Variants in NBEA observed in about 807,000 individuals in gnomAD.
The protein encoded by NBEA is neurobeachin.
NBEA carries 44 observed loss-of-function variants against 343.4 expected under a neutral mutation model. That is an observed-to-expected ratio of 0.13 (90% confidence interval 0.10 to 0.16). NBEA has a LOEUF of 0.16. Among genes scored for constraint, NBEA ranks in the 10% least tolerant of loss-of-function variants. The pLI, the probability that NBEA is intolerant of heterozygous loss-of-function variation, is 1.00. For missense variants in NBEA, 2,555 were observed against 3,631.3 expected (o/e 0.70, Z 7.62); for synonymous variants, 1,175 against 1,238.7 (o/e 0.95, Z 1.08).
chr13:35,003,603 G>T (rs2061218810), intron 1 of NBEA, among the ~76,000 whole-genome samples: 1 of 152,064 alleles, frequency 6.6e-6, no homozygotes, highest in Admixed American at 6.6e-5. Flanking sequence ...TCAGTTCATA[G>T]ATATGGAAAT....
intron 46 of NBEA, among the ~76,000 whole-genome samples, chr13:35,588,337 C>G (rs1235153030): frequency 6.6e-6 from 1 of 152,104 alleles, no homozygotes; most frequent in African/African-American, 2.4e-5. Context: ...AATGTCCTCA[C>G]TCCCATTCCA....
chr13:35,338,654 C>T (rs1010236206), intron 36 of NBEA, among the ~76,000 whole-genome samples: 7 of 151,884 alleles, frequency 4.6e-5, no homozygotes, highest in African/African-American at 1.7e-4. Flanking sequence ...CAGATAAAGT[C>T]GTTTGAAAAG....
In NBEA at chr13:35,363,264, C is replaced by T. The variant is rs1360033320; in HGVS notation, c.6179+10941C>T. 9.2e-5 allele frequency among the ~76,000 whole-genome samples: 14 copies of T among 151,898 alleles called. No individual in the cohort carries two copies. In the Admixed American group the frequency reaches 9.2e-4, roughly 10 times the overall value. ...GTAAAGCCCTGGGATTCTTATTTCA[C>T]TCTGGAATCTAGGAGCGTGTTTGAT... On this transcript the variant is annotated intron_variant, in intron 38 of 58. Coordinates refer to ENST00000379939, the MANE Select transcript of NBEA (RefSeq NM_001385012.1).
At chr13:34,979,317 C>T (rs561478866) in intron 1 of NBEA, among the ~76,000 whole-genome samples, 4 of 152,048 alleles carry the variant, frequency 2.6e-5, no homozygotes, top group Non-Finnish European at 4.4e-5. Context: ...GCCAGGAGTT[C>T]GAGACCAGTC....
intron 36 of NBEA, among the ~76,000 whole-genome samples, chr13:35,310,067 T>C (rs1402603340): frequency 1.3e-5 from 2 of 152,156 alleles, no homozygotes; most frequent in Non-Finnish European, 2.9e-5. Context: ...TTGTATATTC[T>C]ATTATTTTTT....
At chr13:35,225,592 T>C (rs1258210589) in intron 33 of NBEA, among the ~76,000 whole-genome samples, 3 of 152,160 alleles carry the variant, frequency 2.0e-5, no homozygotes, top group Non-Finnish European at 4.4e-5. Context: ...TGGAAGAGGC[T>C]GGGCATCGTT....
chr13:35,456,810 GGTTC>G (rs1189562895), intron 40 of NBEA, among the ~76,000 whole-genome samples: 1 of 151,788 alleles, frequency 6.6e-6, no homozygotes, highest in Non-Finnish European at 1.5e-5. Context: ...AATGTATATA[GGTTC>G]CTTATTATTT....
intron 48 of NBEA, among the ~76,000 whole-genome samples, chr13:35,614,173 C>A (rs901115951): frequency 7.2e-5 from 11 of 152,050 alleles, no homozygotes; most frequent in African/African-American, 2.7e-4. Context: ...TATTTAAATT[C>A]TTTGCCCATT....
intron 41 of NBEA, among the ~76,000 whole-genome samples, chr13:35,515,310 A>C (rs1480695862): frequency 2.0e-5 from 3 of 152,170 alleles, no homozygotes; most frequent in African/African-American, 7.2e-5. Flanking sequence ...TTCCAGACTG[A>C]GGAGGGGAAA....
At chr13:35,206,856 T>C (rs912162198) in intron 31 of NBEA, among the ~76,000 whole-genome samples, 1 of 152,108 alleles carries the variant, frequency 6.6e-6, no homozygotes, top group Non-Finnish European at 1.5e-5. Context: ...CCACATCTTA[T>C]ATTCTTTTCT....
chr13:35,530,937 C>T (rs565059859), intron 41 of NBEA, among the ~76,000 whole-genome samples: 1 of 152,290 alleles, frequency 6.6e-6, no homozygotes, highest in South Asian at 2.1e-4. Flanking sequence ...TTTTAGGAAG[C>T]TGACAGAGTT....
chr13:35,235,598 C>T (rs774520637), intron 34 of NBEA, among the ~76,000 whole-genome samples: 8 of 152,178 alleles, frequency 5.3e-5, no homozygotes, highest in South Asian at 4.1e-4. Flanking sequence ...ATAAGACTCA[C>T]GTTACTGGCT....
chr13:35,250,263 G>GTATA (rs2031795552), intron 34 of NBEA, among the ~76,000 whole-genome samples: 1 of 152,030 alleles, frequency 6.6e-6, no homozygotes, highest in Admixed American at 6.6e-5. Flanking sequence ...GACTGGAAAG[G>GTATA]TATATGTCTA....
chr13:35,347,697 C>A (rs779070178), intron 36 of NBEA, among the ~76,000 whole-genome samples: 3 of 152,060 alleles, frequency 2.0e-5, no homozygotes, highest in Non-Finnish European at 4.4e-5. Context: ...TCTTCCTCCT[C>A]CATCTCCTCC....
At chr13:35,265,065 A>C (rs1258012392) in intron 34 of NBEA, among the ~76,000 whole-genome samples, 1 of 151,982 alleles carries the variant, frequency 6.6e-6, no homozygotes, top group Non-Finnish European at 1.5e-5. Context: ...ATATACAAAA[A>C]ATCAATAGTG....
At position 35,671,141 on chromosome 13, in the gene NBEA, AC is replaced by A. The variant is rs945532196; in HGVS notation, c.*152del. 2.2e-5 allele frequency: 13 copies of A among 581,724 alleles called. No homozygotes were observed. Among genetic ancestry groups the A allele is most frequent in the African/African-American group, 1.1e-4 (6 of 54,060 alleles). The allele number at this position is 581,724 out of a possible 1,614,324, so 36.0% of individuals were successfully genotyped here. ...CAATAGCTGTACATTGTAGTCAGCA[AC>A]CATTTTACTTTGTGTGTTTTTTCAC... On this transcript the variant is annotated 3_prime_UTR_variant, in exon 59 of 59. Transcript: ENST00000379939.
intron 34 of NBEA, among the ~76,000 whole-genome samples, chr13:35,240,297 A>C (rs1433975550): frequency 6.6e-6 from 1 of 151,880 alleles, no homozygotes; most frequent in Non-Finnish European, 1.5e-5. Flanking sequence ...TTGTTTTTAC[A>C]AAAATATATC....
Position 35,649,763 on chromosome 13 carries a change from A to C in NBEA, c.7879A>C (p.Thr2627Pro). 1 of 1,613,868 alleles carries C rather than the reference A, an allele frequency of 6.2e-7. No homozygotes were observed. Among genetic ancestry groups the C allele is most frequent in the Non-Finnish European group, 8.5e-7 (1 of 1,179,854 alleles). The change falls in exon 52 of 59, where the codon ACT becomes CCT. Residue 2627 changes from threonine (T) to proline (P), a missense_variant. Physicochemically the swap from Thr to Pro is conservative, Grantham distance 38. Coordinates refer to ENST00000379939, the MANE Select transcript of NBEA (RefSeq NM_001385012.1). ...NSPVTHVAAN[T>P]LPHLTIPAVV... ...TCCAGTAACCCATGTGGCAGCCAACACTCTGCCCCACTTGACCATCCCCGC... is the reference window on the plus strand; with the variant it reads ...TCCAGTAACCCATGTGGCAGCCAACCCTCTGCCCCACTTGACCATCCCCGC...
chr13:35,120,494 G>A (rs1462024160), intron 16 of NBEA, among the ~76,000 whole-genome samples: 1 of 152,118 alleles, frequency 6.6e-6, no homozygotes, highest in Admixed American at 6.5e-5. Flanking sequence ...TATTGAAAGT[G>A]GCTAACGAAT....
Sources: gnomAD v4.1 joint callset for allele counts (sites outside exome capture counted in the v4.1 genomes callset) on GRCh38, gnomAD v4.1.1 for gene constraint, MANE v1.5 for transcripts, NCBI Gene and HGNC (gene_info 2026-07-23, HGNC 2026-07-21) for gene names.